Variants in MTMR10 observed in about 807,000 individuals in gnomAD.
MTMR10 encodes myotubularin related protein 10.
In MTMR10, 56 loss-of-function variants were observed where a neutral mutation model predicts 88.1. The observed-to-expected ratio is 0.64, with a 90% CI of 0.51 to 0.79. MTMR10 has a LOEUF of 0.79. Ranked by LOEUF, MTMR10 falls within the 30% of genes least tolerant of loss-of-function variation. MTMR10 has a pLI of 0.00. For missense variants in MTMR10, 883 were observed against 924.7 expected (o/e 0.95, Z 0.58); for synonymous variants, 380 against 340.9 (o/e 1.11, Z -1.26).
chr15:30,940,687 A>G lies in MTMR10; in HGVS notation c.*783T>C, dbSNP rs1207458693. 2.0e-6 allele frequency: 2 copies of G among 987,546 alleles called. No homozygotes were observed. Among genetic ancestry groups the G allele is most frequent in the African/African-American group, 1.7e-5 (1 of 57,232 alleles). The allele number at this position is 987,546 out of a possible 1,614,324, so 61.2% of individuals were successfully genotyped here. Reference sequence around the variant, plus strand: ...ACTCCCCAGTGGCTTTCAGAGGAACAAGACTCTGGGGACTCCTGGCTATGA... The same window carrying G: ...ACTCCCCAGTGGCTTTCAGAGGAACGAGACTCTGGGGACTCCTGGCTATGA... On this transcript the variant is annotated 3_prime_UTR_variant, in exon 16 of 16. Coordinates refer to ENST00000435680, the MANE Select transcript of MTMR10 (RefSeq NM_017762.3).
intron 2 of MTMR10, among the ~76,000 whole-genome samples, chr15:30,985,732 C>G (rs2030899749): frequency 6.6e-6 from 1 of 152,218 alleles, no homozygotes; most frequent in African/African-American, 2.4e-5. Flanking sequence ...TTTGTGTCAC[C>G]TGGCCTGCAA....
intron 2 of MTMR10, among the ~76,000 whole-genome samples, chr15:30,979,891 G>A (rs2030441441): frequency 1.3e-5 from 2 of 152,242 alleles, no homozygotes; most frequent in South Asian, 2.1e-4. Flanking sequence ...CCTTGTTTTT[G>A]TAAATGAAAT....
At chr15:30,964,251 A>G (rs2063446131) in intron 6 of MTMR10, among the ~76,000 whole-genome samples, 1 of 152,224 alleles carries the variant, frequency 6.6e-6, no homozygotes, top group Non-Finnish European at 1.5e-5. Context: ...CAGTTATGTA[A>G]AACAGTTTGG....
chr15:30,950,569 C>T (rs1160157096), intron 12 of MTMR10, among the ~76,000 whole-genome samples: 3 of 151,804 alleles, frequency 2.0e-5, no homozygotes, highest in Non-Finnish European at 4.4e-5. Flanking sequence ...ACTTGGGAGG[C>T]TGAAGCAGGA....
chr15:30,990,951 A>C, intron 1 of MTMR10, 114 bp from the exon 2 acceptor site: 3 of 825,028 alleles, frequency 3.6e-6, no homozygotes, highest in Non-Finnish European at 5.7e-6. Flanking sequence ...ACAGCCCCCC[A>C]TTTAAATTCT....
At chr15:30,977,984 G>GCCT (rs1448802437) in intron 2 of MTMR10, among the ~76,000 whole-genome samples, 2 of 152,164 alleles carry the variant, frequency 1.3e-5, no homozygotes, top group Non-Finnish European at 2.9e-5. Flanking sequence ...TTGAAGACAA[G>GCCT]CCTCCCTCTC....
chr15:30,976,355 G>A (rs750697507), intron 3 of MTMR10, among the ~76,000 whole-genome samples: 1 of 151,936 alleles, frequency 6.6e-6, no homozygotes, highest in Non-Finnish European at 1.5e-5. Flanking sequence ...GCAGTGAGCC[G>A]ACATCATGCC....
At position 30,974,436 on chromosome 15, in the gene MTMR10, G is replaced by A; in HGVS notation, c.352C>T (p.Gln118Ter). Reference sequence around the variant, plus strand: ...TTCTGGTTGGGGCCTAGGACTTTCTGCTTCCTCTTGTGGTCGTTTACTAAA... The same window carrying A: ...TTCTGGTTGGGGCCTAGGACTTTCTACTTCCTCTTGTGGTCGTTTACTAAA... ...IVTVNDHKRK[Q>*]KVLGPNQKLK... is the part of the protein sequence containing the mutation. Residue 118 changes from glutamine (Q) to a stop codon, truncating the protein, a stop_gained, in exon 5 of 16, where the codon CAG (glutamine) becomes TAG (stop). Coordinates refer to ENST00000435680, the MANE Select transcript of MTMR10 (RefSeq NM_017762.3). LOFTEE classifies it high-confidence loss of function. 1 of 1,561,252 alleles carries A rather than the reference G, an allele frequency of 6.4e-7. No individual in the cohort carries two copies. Among genetic ancestry groups the A allele is most frequent in the Non-Finnish European group, 8.7e-7 (1 of 1,151,880 alleles).
intron 12 of MTMR10, chr15:30,948,707 A>G: frequency 1.1e-5 from 6 of 559,338 alleles, no homozygotes; most frequent in Non-Finnish European, 1.9e-5. Flanking sequence ...AGATAATAGA[A>G]GCTCATCACT....
Position 30,941,336 on chromosome 15 carries a change from T to C in MTMR10, c.*134A>G. 1 of 1,533,798 alleles carries C rather than the reference T, an allele frequency of 6.5e-7. No individual in the cohort carries two copies. The highest frequency in any genetic ancestry group is 1.2e-5 in the South Asian group (1 of 82,766). ...AAAGAAGCATGATTCAACATGTTTT[T>C]AAATATTAGTGCAAATTCCAACTAT... On this transcript the variant is annotated 3_prime_UTR_variant, in exon 16 of 16. Transcript: ENST00000435680.
At chr15:30,987,692 A>AT (rs201146149) in intron 2 of MTMR10, among the ~76,000 whole-genome samples, 28 of 141,776 alleles carry the variant, frequency 2.0e-4, no homozygotes, top group South Asian at 6.8e-4. Context: ...TTTTTTTTTT[A>AT]TTTTTTTTTT....
chr15:30,942,311 C>T (rs2063081836), intron 15 of MTMR10: 2 of 569,506 alleles, frequency 3.5e-6, no homozygotes, highest in Non-Finnish European at 6.1e-6. Context: ...GATGAGAGTA[C>T]CTCCTATCCA....
the MTMR10 span, among the ~76,000 whole-genome samples, chr15:30,929,031 C>CT: frequency 6.6e-6 from 1 of 152,154 alleles, no homozygotes; most frequent in African/African-American, 2.4e-5. Flanking sequence ...AATTATTACT[C>CT]TAAAAAACAA....
intron 5 of MTMR10, among the ~76,000 whole-genome samples, chr15:30,969,258 C>T (rs750645743): frequency 2.7e-5 from 4 of 150,178 alleles, no homozygotes; most frequent in Admixed American, 2.0e-4. Context: ...TAGTTTTGAC[C>T]AAAAAGAAAA....
At chr15:30,976,329 G>A (rs2030150258) in intron 3 of MTMR10, among the ~76,000 whole-genome samples, 1 of 151,972 alleles carries the variant, frequency 6.6e-6, no homozygotes, top group South Asian at 2.1e-4. Flanking sequence ...TTGAGCCCAG[G>A]AAGCAGACAG....
chr15:30,948,487 A>G lies in MTMR10; in HGVS notation c.1208-16T>C. 1 of 1,582,416 alleles carries G rather than the reference A, an allele frequency of 6.3e-7. No homozygotes were observed. ...CCTTCCTCCTCTGTTAATAAAATGG[A>G]AAGAAAATGATTACAACATAGAAAA... On this transcript the variant is annotated splice_polypyrimidine_tract_variant and intron_variant, in intron 12 of 15. Transcript: ENST00000435680.
At chr15:30,951,894 T>C (rs2063252367) in intron 12 of MTMR10, 74 bp downstream of exon 12, 1 of 1,254,516 alleles carries the variant, frequency 8.0e-7, no homozygotes, top group South Asian at 1.2e-5. Context: ...GTGATTTACT[T>C]GAATGGGGAC....
downstream of MTMR10, among the ~76,000 whole-genome samples, chr15:30,938,305 A>C (rs1198573787): frequency 6.6e-6 from 1 of 152,222 alleles, no homozygotes; most frequent in African/African-American, 2.4e-5. Flanking sequence ...TAGCTGTTAA[A>C]CTTTTATGAT....
chr15:30,974,284 C>A lies in MTMR10; in HGVS notation c.474+30G>T, dbSNP rs755060997. On this transcript the variant is annotated intron_variant, in intron 5 of 15. Coordinates refer to ENST00000435680, the MANE Select transcript of MTMR10 (RefSeq NM_017762.3). Reference sequence around the variant, plus strand: ...GAAATCAGTAAACACAGTACAGAACCCAGAACTTGATAAACCTTAACAGTA... The same window carrying A: ...GAAATCAGTAAACACAGTACAGAACACAGAACTTGATAAACCTTAACAGTA... 4.6e-6 allele frequency: 7 copies of A among 1,534,534 alleles called. No homozygotes were observed. The South Asian group carries it at 7.7e-5, about 17-fold the overall frequency.
Sources: gnomAD v4.1 joint callset for allele counts (sites outside exome capture counted in the v4.1 genomes callset) on GRCh38, gnomAD v4.1.1 for gene constraint, MANE v1.5 for transcripts, NCBI Gene and HGNC (gene_info 2026-07-23, HGNC 2026-07-21) for gene names.